Variants in VEPH1 observed in about 807,000 individuals in gnomAD.
VEPH1 encodes the protein ventricular zone expressed PH domain containing 1.
VEPH1 carries 80 observed loss-of-function variants against 85.2 expected under a neutral mutation model. The observed-to-expected ratio is 0.94, with a 90% CI of 0.78 to 1.13. The LOEUF is 1.13. Among genes scored for constraint, VEPH1 ranks in the 50% most tolerant of loss-of-function variants. VEPH1 has a pLI of 0.00. For synonymous variants in VEPH1, 297 were observed against 348.0 expected, an observed-to-expected ratio of 0.85 and a Z score of 1.63; for missense variants, 955 against 980.5, an observed-to-expected ratio of 0.97 and a Z score of 0.35.
At chr3:157,391,955 A>T (rs1220207821) in intron 6 of VEPH1, among the ~76,000 whole-genome samples, 1 of 152,176 alleles carries the variant, frequency 6.6e-6, no homozygotes, top group Non-Finnish European at 1.5e-5. Context: ...AGAAATTTCA[A>T]CCAAGAATTT....
At chr3:157,391,031 G>C (rs941548638) in intron 6 of VEPH1, among the ~76,000 whole-genome samples, 2 of 152,218 alleles carry the variant, frequency 1.3e-5, no homozygotes, top group African/African-American at 4.8e-5. Flanking sequence ...CTGATGCCTG[G>C]AGCTGCCTGC....
intron 9 of VEPH1, among the ~76,000 whole-genome samples, chr3:157,331,523 A>G (rs1722503736): frequency 6.6e-6 from 1 of 152,206 alleles, no homozygotes; most frequent in Non-Finnish European, 1.5e-5. Flanking sequence ...CAGGAATGAA[A>G]GACAGGGAGA....
chr3:157,426,707 T>C (rs1235091610), intron 5 of VEPH1, among the ~76,000 whole-genome samples: 1 of 152,150 alleles, frequency 6.6e-6, no homozygotes, highest in Non-Finnish European at 1.5e-5. Flanking sequence ...GTCTTTCTCT[T>C]GGTCTTACCT....
intron 5 of VEPH1, chr3:157,415,061 C>T (rs1560043801): frequency 6.6e-6 from 1 of 152,210 alleles, no homozygotes; most frequent in Non-Finnish European, 1.5e-5. Context: ...CCCTAAGTGC[C>T]TCCTTTTCTC....
At chr3:157,299,939 CT>C (rs1718596800) in intron 11 of VEPH1, among the ~76,000 whole-genome samples, 2 of 152,222 alleles carry the variant, frequency 1.3e-5, no homozygotes, top group African/African-American at 2.4e-5. Flanking sequence ...TGTATTATGT[CT>C]TTTGAATCTC....
chr3:157,283,793 C>T lies in VEPH1; in HGVS notation c.2128+2764G>A, dbSNP rs12381232. On this transcript the variant is annotated intron_variant, in intron 12 of 13. Coordinates refer to ENST00000362010, the MANE Select transcript of VEPH1 (RefSeq NM_001167912.2). Reference sequence around the variant, plus strand: ...TGGACAGCATTAAAAAATATTGAAACGTGAATACTTGAAAACAATTACTGT... The same window carrying T: ...TGGACAGCATTAAAAAATATTGAAATGTGAATACTTGAAAACAATTACTGT... Among the ~76,000 whole-genome samples the T allele has an allele frequency of 2.7e-3, 418 of 152,292 alleles. 5 individuals carry two copies. In the East Asian group the frequency reaches 0.043, roughly 16 times the overall value.
At chr3:157,413,773 C>T (rs1731695383) in intron 6 of VEPH1, 108 bp downstream of exon 6, 1 of 1,411,976 alleles carries the variant, frequency 7.1e-7, no homozygotes, top group Non-Finnish European at 9.5e-7. Flanking sequence ...TTGGAACTCC[C>T]AGAAATTCCA....
intron 9 of VEPH1, among the ~76,000 whole-genome samples, chr3:157,337,317 G>A (rs1723061602): frequency 6.6e-6 from 1 of 151,980 alleles, no homozygotes; most frequent in African/African-American, 2.4e-5. Flanking sequence ...TGTTTCCAGT[G>A]TTTCAACAAA....
intron 3 of VEPH1, among the ~76,000 whole-genome samples, chr3:157,467,911 A>T (rs1736541300): frequency 6.6e-6 from 1 of 152,206 alleles, no homozygotes; most frequent in Non-Finnish European, 1.5e-5. Context: ...CAATGAGTTG[A>T]GCATTTCAAT....
chr3:157,395,628 G>C (rs532203565), intron 6 of VEPH1, among the ~76,000 whole-genome samples: 1 of 152,144 alleles, frequency 6.6e-6, no homozygotes, highest in East Asian at 1.9e-4. Context: ...TGTACACAGG[G>C]GACACAAATA....
chr3:157,369,679 T>G (rs150506918), intron 7 of VEPH1, among the ~76,000 whole-genome samples: 44 of 152,326 alleles, frequency 2.9e-4, no homozygotes, highest in African/African-American at 1.0e-3. Context: ...AAATGGTAGA[T>G]AGAGGGTTTG....
chr3:157,393,071 C>T (rs1730023378), intron 6 of VEPH1, among the ~76,000 whole-genome samples: 1 of 152,184 alleles, frequency 6.6e-6, no homozygotes, highest in African/African-American at 2.4e-5. Context: ...GAACACATTC[C>T]TGTTCCTTAA....
chr3:157,284,556 A>G (rs774085556), intron 12 of VEPH1, among the ~76,000 whole-genome samples: 58 of 152,190 alleles, frequency 3.8e-4, no homozygotes, highest in Non-Finnish European at 1.5e-4. Context: ...TTTGGCAACA[A>G]TATTATGTTA....
intron 3 of VEPH1, among the ~76,000 whole-genome samples, chr3:157,463,748 A>C (rs550876181): frequency 6.6e-6 from 1 of 152,184 alleles, no homozygotes; most frequent in Non-Finnish European, 1.5e-5. Flanking sequence ...ACTCAACCCC[A>C]GTGAGAGGCT....
rs555498850 is a variant in VEPH1, at chr3:157,388,419, TC to T, written c.907-7044del. ...GAAACTCTGGTACTGGGGGAGCAAT[TC>T]TTTGCCCCAAGATTTTCCCAGTTTT... is the stretch of plus-strand genomic sequence containing the variant. On this transcript the variant is annotated intron_variant, in intron 6 of 13. Transcript: ENST00000362010. 3.2e-3 allele frequency among the ~76,000 whole-genome samples: 481 copies of T among 152,314 alleles called. 8 individuals are homozygous for T. Among genetic ancestry groups the T allele is most frequent in the Non-Finnish European group, 9.0e-4 (61 of 68,030 alleles).
intron 4 of VEPH1, among the ~76,000 whole-genome samples, chr3:157,438,072 C>CA (rs1560062144): frequency 2.0e-4 from 30 of 150,710 alleles, no homozygotes; most frequent in African/African-American, 5.8e-4. Context: ...CACACACACA[C>CA]CCCTATTTCT....
chr3:157,367,857 T>G (rs1362909191), intron 7 of VEPH1, among the ~76,000 whole-genome samples: 3 of 152,266 alleles, frequency 2.0e-5, no homozygotes, highest in Admixed American at 1.3e-4. Flanking sequence ...AGAGGAAAAT[T>G]TCTCATGAAT....
At chr3:157,404,408 A>C (rs1731006172) in intron 6 of VEPH1, among the ~76,000 whole-genome samples, 1 of 152,184 alleles carries the variant, frequency 6.6e-6, no homozygotes, top group Non-Finnish European at 1.5e-5. Context: ...TCAAATATTC[A>C]CAGCAGGGCA....
chr3:157,269,642 G>GTTTTTTTTTTTTTTTTTTTTGTT (rs11408861), intron 12 of VEPH1, among the ~76,000 whole-genome samples: 1 of 115,454 alleles, frequency 8.7e-6, no homozygotes, highest in East Asian at 2.4e-4. Context: ...TGTTTTTGTT[G>GTTTTTTTTTTTTTTTTTTTTGTT]TTTTTTTTTT....
Sources: allele counts gnomAD v4.1 joint callset (sites outside exome capture counted in the v4.1 genomes callset), GRCh38; gene constraint gnomAD v4.1.1; transcripts MANE v1.5; gene names NCBI Gene and HGNC (gene_info 2026-07-23, HGNC 2026-07-21).